BDP1: variants seen among roughly 807,000 people sequenced by gnomAD.
The protein encoded by BDP1 is transcription factor TFIIIB component B'' homolog.
BDP1 carries 169 observed loss-of-function variants against 266.6 expected under a neutral mutation model. The observed-to-expected ratio is 0.63, with a 90% CI of 0.56 to 0.72. BDP1 has a LOEUF of 0.72. BDP1 is among the 30% of genes least tolerant of loss of function. The probability of loss-of-function intolerance (pLI) is 0.00; values close to 1 mark genes in which losing one functional copy is unlikely to be tolerated. For synonymous variants in BDP1, 1,090 were observed against 1,022.4 expected, an observed-to-expected ratio of 1.07 and a Z score of -1.26; for missense variants, 3,015 against 3,053.8, an observed-to-expected ratio of 0.99 and a Z score of 0.30.
intron 4 of BDP1, among the ~76,000 whole-genome samples, chr5:71,465,829 C>T (rs1209620351): frequency 2.0e-5 from 3 of 151,876 alleles, no homozygotes; most frequent in Non-Finnish European, 4.4e-5. Flanking sequence ...TGCAGTAAGT[C>T]GAGATCATGC....
At chr5:71,542,078 A>T (rs1466319360) in intron 29 of BDP1, 27 bp from the exon 30 acceptor site, 1 of 1,573,114 alleles carries the variant, frequency 6.4e-7, no homozygotes, top group African/African-American at 1.4e-5. Context: ...AACATGATTC[A>T]TGAATTTCTC....
chr5:71,470,326 T>TA, intron 6 of BDP1, 69 bp from the exon 7 acceptor site: 1 of 1,173,002 alleles, frequency 8.5e-7, no homozygotes, highest in Non-Finnish European at 1.2e-6. Flanking sequence ...TCAAATTCTG[T>TA]AAGATTTCTT....
intron 26 of BDP1, among the ~76,000 whole-genome samples, chr5:71,536,978 A>G (rs1766642285): frequency 6.6e-6 from 1 of 151,678 alleles, no homozygotes; most frequent in Non-Finnish European, 1.5e-5. Flanking sequence ...AATACAAAAA[A>G]TCAGCCGGGC....
At chr5:71,517,195 A>G in intron 21 of BDP1, 127 bp from the exon 22 acceptor site, 1 of 825,628 alleles carries the variant, frequency 1.2e-6, no homozygotes, top group Non-Finnish European at 1.8e-6. Context: ...GACTATCTCA[A>G]AATGCATAAA....
intron 25 of BDP1, among the ~76,000 whole-genome samples, chr5:71,529,558 G>A (rs182859904): frequency 6.6e-6 from 1 of 152,120 alleles, no homozygotes; most frequent in Admixed American, 6.5e-5. Context: ...AGGTGTGTTG[G>A]TGCGTATCTA....
intron 14 of BDP1, 151 bp from the exon 15 acceptor site, chr5:71,502,448 A>T: frequency 3.1e-6 from 2 of 647,044 alleles, no homozygotes; most frequent in Non-Finnish European, 5.2e-6. Context: ...TGCTGGGATT[A>T]CAGGTGCGAG....
rs752113936 is a variant in BDP1 at position 71,497,478 on chromosome 5, ATAGT to A, written c.1956+54_1956+57del. ...TTAAAATTATAAAAATTTTCTTTAG[ATAGT>A]TGGGAATAAAAGTTGTTGACTTGAA... On this transcript the variant is annotated intron_variant, in intron 13 of 38. Coordinates refer to ENST00000358731, the MANE Select transcript of BDP1 (RefSeq NM_018429.3). The A allele has an allele frequency of 1.4e-5, 20 of 1,418,956 alleles. No individual in the cohort carries two copies. In the African/African-American group the frequency reaches 2.2e-4, roughly 15 times the overall value. The allele number at this position is 1,418,956 out of a possible 1,614,324, so 87.9% of individuals were successfully genotyped here. A position where few individuals can be genotyped will look rare whatever the true frequency, so the allele number is the denominator to read the frequency against.
At chr5:71,570,921 A>C (rs955038474), downstream of BDP1, among the ~76,000 whole-genome samples, 17 of 152,214 alleles carry the variant, frequency 1.1e-4, no homozygotes, top group African/African-American at 4.1e-4. Flanking sequence ...GTCCCCCTTT[A>C]TCAGCAGGTT....
intron 6 of BDP1, among the ~76,000 whole-genome samples, chr5:71,468,390 A>G (rs1762030589): frequency 6.6e-6 from 1 of 151,632 alleles, no homozygotes; most frequent in Non-Finnish European, 1.5e-5. Flanking sequence ...CCTAGGCTCA[A>G]GCGATCCTTT....
intron 7 of BDP1, among the ~76,000 whole-genome samples, chr5:71,480,413 C>T (rs907849972): frequency 2.7e-5 from 4 of 150,108 alleles, no homozygotes; most frequent in African/African-American, 7.4e-5. Context: ...GGATTACAGA[C>T]GTGAGCCACC....
chr5:71,572,608 CATT>C (rs1170008012), downstream of BDP1, among the ~76,000 whole-genome samples: 4 of 152,134 alleles, frequency 2.6e-5, no homozygotes, highest in South Asian at 2.1e-4. Context: ...TGAAGGAAAA[CATT>C]ATGTGCAGTT....
At chr5:71,475,883 A>T (rs147728943) in intron 7 of BDP1, 1 of 152,714 alleles carries the variant, frequency 6.5e-6, no homozygotes, top group African/African-American at 2.4e-5. Context: ...AAGCCAGTAA[A>T]TCCTAGTCAG....
intron 13 of BDP1, among the ~76,000 whole-genome samples, chr5:71,497,733 C>T (rs77790957): frequency 4.3e-4 from 66 of 151,808 alleles, no homozygotes; most frequent in African/African-American, 1.5e-3. Flanking sequence ...CCACAACATT[C>T]TCATCTACAC....
Position 71,510,998 on chromosome 5 carries a change from G to A in BDP1, c.3906G>A (p.Glu1302=), listed in dbSNP as rs761073786. 2 of 1,613,948 alleles carry A rather than the reference G, an allele frequency of 1.2e-6. No individual in the cohort carries two copies. The highest frequency in any genetic ancestry group is 1.7e-6 in the Non-Finnish European group (2 of 1,180,008). Residue 1302 remains glutamate (E), a synonymous_variant, in exon 17 of 39, where the codon GAG becomes GAA. Transcript: ENST00000358731. ...GATCTGAAGAGATCTGTGTTACTGAGGAAAAGGTGGCAGAATTGAAACAAA... is the reference window on the plus strand; with the variant it reads ...GATCTGAAGAGATCTGTGTTACTGAAGAAAAGGTGGCAGAATTGAAACAAA... ...ERGSEEICVT[E]EKVAELKQTG... is the part of the protein sequence containing the mutation.
intron 22 of BDP1, among the ~76,000 whole-genome samples, chr5:71,518,569 A>G (rs764877049): frequency 2.0e-5 from 3 of 151,724 alleles, no homozygotes; most frequent in African/African-American, 4.8e-5. Flanking sequence ...TCCCACCTCA[A>G]CCTCTCGAGT....
Position 71,458,793 on chromosome 5 carries a change from T to TA in BDP1, c.428dup (p.Tyr143Ter), listed in dbSNP as rs1761359376. Residue 143 changes from tyrosine to a stop codon, truncating the protein, a stop_gained and frameshift_variant, in exon 2 of 39, where the codon TAC (tyrosine) becomes TAAC (stop). Transcript: ENST00000358731. LOFTEE classifies it high-confidence loss of function. The part of the protein sequence containing the change: ...TKEKQPCSDR[Y>*]RIYKAQKLRE... ...AGAGAAACAGCCATGCTCAGACAGA[T>TA]ACCGAATATACAAAGCCCAGAAACT... is the stretch of plus-strand genomic sequence containing the variant. 1.9e-6 allele frequency: 3 copies of TA among 1,614,084 alleles called. No individual in the cohort carries two copies. Among genetic ancestry groups the TA allele is most frequent in the Non-Finnish European group, 2.5e-6 (3 of 1,179,976 alleles).
chr5:71,497,886 T>A (rs1421751839), intron 13 of BDP1, among the ~76,000 whole-genome samples: 1 of 152,100 alleles, frequency 6.6e-6, no homozygotes, highest in Non-Finnish European at 1.5e-5. Flanking sequence ...AATCCTGAGC[T>A]CAAGTGATTC....
At chr5:71,573,700 T>C in the BDP1 span, among the ~76,000 whole-genome samples, 3 of 152,232 alleles carry the variant, frequency 2.0e-5, no homozygotes, top group Non-Finnish European at 4.4e-5. Flanking sequence ...ACCGTGTTGC[T>C]GGACCCGGAG....
At position 71,510,879 on chromosome 5, in the gene BDP1, C is replaced by T; in HGVS notation, c.3787C>T (p.Pro1263Ser). The T allele has an allele frequency of 6.2e-7, 1 of 1,613,646 alleles. No homozygotes were observed. Among genetic ancestry groups the T allele is most frequent in the Non-Finnish European group, 8.5e-7 (1 of 1,179,736 alleles). ...GAAAGAAACTGGAAAAAGAGACATT[C>T]CCATCATGGAGAAAGTATCAGGAAA... ...DLKETGKRDI[P>S]IMEKVSGKMA... is the part of the protein sequence containing the mutation. The change falls in exon 17 of 39, where the codon CCC (proline) becomes TCC (serine). Residue 1263 changes from proline (P) to serine (S), a missense_variant. Pro to Ser is a moderately conservative substitution (Grantham distance 74). Transcript: ENST00000358731.
Sources: allele counts gnomAD v4.1 joint callset (sites outside exome capture counted in the v4.1 genomes callset), GRCh38; gene constraint gnomAD v4.1.1; transcripts MANE v1.5; gene names NCBI Gene and HGNC (gene_info 2026-07-23, HGNC 2026-07-21).